Variants in DENND2A observed in about 807,000 individuals in gnomAD.
The protein encoded by DENND2A is DENN domain containing 2A.
A neutral mutation model predicts 105.3 loss-of-function variants in DENND2A; 53 were observed. The observed-to-expected ratio is 0.50, with a 90% CI of 0.40 to 0.63. The LOEUF (loss-of-function observed/expected upper bound fraction) is 0.63, where lower values mean the gene tolerates loss of function less well. DENND2A is among the 30% of genes least tolerant of loss of function. The pLI is 0.00. For synonymous variants in DENND2A, 522 were observed against 508.4 expected, an observed-to-expected ratio of 1.03 and a Z score of -0.36; for missense variants, 1,138 against 1,279.6, an observed-to-expected ratio of 0.89 and a Z score of 1.69.
chr7:140,551,503 A>T (rs1456156220), intron 12 of DENND2A, among the ~76,000 whole-genome samples: 1 of 152,014 alleles, frequency 6.6e-6, no homozygotes, highest in Non-Finnish European at 1.5e-5. Flanking sequence ...GTCTAGGAGC[A>T]TGGGAGACAT....
intron 14 of DENND2A, chr7:140,544,415 G>A (rs1453747101): frequency 1.4e-5 from 9 of 657,856 alleles, no homozygotes; most frequent in Middle Eastern, 7.7e-4. Flanking sequence ...GGCTGGCCTC[G>A]AACTCCTGGT....
intron 14 of DENND2A, among the ~76,000 whole-genome samples, chr7:140,535,534 T>A (rs1419993993): frequency 6.6e-6 from 1 of 152,082 alleles, no homozygotes; most frequent in Non-Finnish European, 1.5e-5. Flanking sequence ...GTAGACTAGA[T>A]CATCGCTAGA....
chr7:140,596,974 G>T (rs750106695), intron 3 of DENND2A, among the ~76,000 whole-genome samples: 5 of 152,146 alleles, frequency 3.3e-5, no homozygotes, highest in Non-Finnish European at 5.9e-5. Context: ...ACATTTGAGG[G>T]TTTCTCATTT....
At chr7:140,530,557 A>G (rs1796222811) in intron 14 of DENND2A, among the ~76,000 whole-genome samples, 1 of 151,980 alleles carries the variant, frequency 6.6e-6, no homozygotes, top group African/African-American at 2.4e-5. Context: ...ACGCTACCCC[A>G]AGATTTCATT....
At position 140,587,667 on chromosome 7, in the gene DENND2A, T is replaced by G; in HGVS notation, c.1109A>C (p.Tyr370Ser). 1.2e-6 allele frequency: 2 copies of G among 1,614,004 alleles called. No homozygotes were observed. Among genetic ancestry groups the G allele is most frequent in the Non-Finnish European group, 1.7e-6 (2 of 1,179,990 alleles). Residue 370 changes from tyrosine (Y) to serine (S), a missense_variant, in exon 4 of 20, where the codon TAT becomes TCT. Coordinates refer to ENST00000496613, the MANE Select transcript of DENND2A (RefSeq NM_015689.5). ...TGGCTTCTTACCTAGAATGTCTTCA[T>G]AGACGTTCTCCTCCGATAAAGTGCG... ...LTRTLSEENV[Y>S]EDILDPPMKE...
intron 18 of DENND2A, among the ~76,000 whole-genome samples, 184 bp from the exon 19 acceptor site, chr7:140,519,902 AGT>A: frequency 6.6e-6 from 1 of 152,202 alleles, no homozygotes; most frequent in Non-Finnish European, 1.5e-5. Flanking sequence ...CCACCTGTGC[AGT>A]AACTCCCTTT....
intron 14 of DENND2A, among the ~76,000 whole-genome samples, chr7:140,541,895 T>G (rs1054992775): frequency 2.6e-5 from 4 of 152,260 alleles, no homozygotes; most frequent in African/African-American, 2.4e-5. Context: ...ATGCGGCGCA[T>G]GAGGGGAGAG....
intron 14 of DENND2A, among the ~76,000 whole-genome samples, chr7:140,531,682 G>C (rs1241109720): frequency 1.3e-5 from 2 of 151,724 alleles, no homozygotes; most frequent in Admixed American, 1.3e-4. Flanking sequence ...GGGCATGGTG[G>C]CGTGTGCCTG....
chr7:140,601,264 A>T, intron 3 of DENND2A, 139 bp downstream of exon 3: 1 of 1,174,210 alleles, frequency 8.5e-7, no homozygotes, highest in Non-Finnish European at 1.2e-6. Flanking sequence ...AAAGTATCTT[A>T]AGCTATGAAC....
intron 3 of DENND2A, 84 bp downstream of exon 3, chr7:140,601,319 A>G: frequency 6.7e-6 from 10 of 1,483,040 alleles, no homozygotes; most frequent in Non-Finnish European, 9.0e-6. Flanking sequence ...CAAATAATTC[A>G]GCTGAGAACA....
intron 9 of DENND2A, among the ~76,000 whole-genome samples, chr7:140,564,842 T>G (rs1797773922): frequency 6.6e-6 from 1 of 152,176 alleles, no homozygotes; most frequent in South Asian, 2.1e-4. Flanking sequence ...ATGAACAGGA[T>G]AGCAGGACAG....
chr7:140,624,062 G>A lies in DENND2A; in HGVS notation c.-248+16442C>T, dbSNP rs370280746. Among the ~76,000 whole-genome samples the A allele has an allele frequency of 9.3e-4, 142 of 152,316 alleles. 4 individuals are homozygous for A. The South Asian group carries it at 0.024, about 26-fold the overall frequency. On this transcript the variant is annotated intron_variant, in intron 1 of 19. Coordinates refer to ENST00000496613, the MANE Select transcript of DENND2A (RefSeq NM_015689.5). ...ACATTTACGAGAGGCTGCAGAGTCC[G>A]GATGAGCAGAAGGAGGAGCTGAGCT...
intron 3 of DENND2A, among the ~76,000 whole-genome samples, chr7:140,597,603 G>C (rs1007436888): frequency 1.3e-5 from 2 of 152,172 alleles, no homozygotes; most frequent in African/African-American, 4.8e-5. Context: ...AACTTTAGCT[G>C]TTTATAAAGA....
At chr7:140,524,317 G>A (rs900781866) in intron 16 of DENND2A, among the ~76,000 whole-genome samples, 1 of 152,102 alleles carries the variant, frequency 6.6e-6, no homozygotes, top group Non-Finnish European at 1.5e-5. Flanking sequence ...TAGAAGTTAG[G>A]CCTCTCTAGC....
intron 14 of DENND2A, among the ~76,000 whole-genome samples, chr7:140,529,062 G>T (rs892629253): frequency 6.6e-6 from 1 of 150,978 alleles, no homozygotes; most frequent in Non-Finnish European, 1.5e-5. Context: ...CCGAGATTGC[G>T]CCATTGCACT....
At chr7:140,635,113 A>T (rs1800872096) in intron 1 of DENND2A, among the ~76,000 whole-genome samples, 1 of 151,918 alleles carries the variant, frequency 6.6e-6, no homozygotes, top group African/African-American at 2.4e-5. Context: ...AAATACAAAA[A>T]TTAGCTAGGT....
chr7:140,624,801 A>G (rs996356687), intron 1 of DENND2A, among the ~76,000 whole-genome samples: 1 of 149,880 alleles, frequency 6.7e-6, no homozygotes, highest in African/African-American at 2.5e-5. Flanking sequence ...TAGAAGTGAG[A>G]AATGTTCTTT....
chr7:140,577,880 T>C (rs1261474721), intron 5 of DENND2A, among the ~76,000 whole-genome samples: 6 of 152,194 alleles, frequency 3.9e-5, no homozygotes, highest in Admixed American at 3.3e-4. Context: ...CAGTTGCTTG[T>C]CACACCCAGA....
intron 1 of DENND2A, among the ~76,000 whole-genome samples, chr7:140,639,498 C>G (rs1268411346): frequency 1.3e-5 from 2 of 152,042 alleles, no homozygotes; most frequent in Admixed American, 6.5e-5. Context: ...AGTTCTGCTC[C>G]GTCCCACGCT....
Sources: allele counts gnomAD v4.1 joint callset (sites outside exome capture counted in the v4.1 genomes callset), GRCh38; gene constraint gnomAD v4.1.1; transcripts MANE v1.5; gene names NCBI Gene and HGNC (gene_info 2026-07-23, HGNC 2026-07-21).